Variants in PCDHA5 observed in about 807,000 individuals in gnomAD.
The protein encoded by PCDHA5 is protocadherin alpha 5.
PCDHA5 carries 43 observed loss-of-function variants against 61.6 expected under a neutral mutation model. The observed-to-expected ratio is 0.70, with a 90% CI of 0.55 to 0.90. The LOEUF (loss-of-function observed/expected upper bound fraction) is 0.90, where lower values mean the gene tolerates loss of function less well. Among genes scored for constraint, PCDHA5 ranks in the 40% least tolerant of loss-of-function variants. The probability of loss-of-function intolerance (pLI) is 0.00; values close to 1 mark genes in which losing one functional copy is unlikely to be tolerated. For synonymous variants in PCDHA5, 627 were observed against 543.9 expected, an observed-to-expected ratio of 1.15 and a Z score of -2.13; for missense variants, 1,298 against 1,222.7, an observed-to-expected ratio of 1.06 and a Z score of -0.92.
At chr5:140,871,062 C>T (rs1434880600) in intron 1 of PCDHA5, 2 of 1,613,102 alleles carry the variant, frequency 1.2e-6, no homozygotes, top group African/African-American at 2.7e-5. Context: ...TGAAGGATCA[C>T]GGTGAGCCGG....
At position 141,010,718 on chromosome 5, in the gene PCDHA5, T is replaced by C. The variant is rs2154002137; in HGVS notation, c.*781T>C. Reference sequence around the variant, plus strand: ...TTTCCTATACATGTCCTGTGCTCACTTTATTAAAAATTCTTTTGCACACAA... The same window carrying C: ...TTTCCTATACATGTCCTGTGCTCACCTTATTAAAAATTCTTTTGCACACAA... On this transcript the variant is annotated 3_prime_UTR_variant, in exon 4 of 4. Coordinates refer to ENST00000529859, the MANE Select transcript of PCDHA5 (RefSeq NM_018908.3). The C allele has an allele frequency of 6.5e-6, 1 of 154,542 alleles. No homozygotes were observed. The highest frequency in any genetic ancestry group is 1.9e-4 in the East Asian group (1 of 5,208). 9.6% of individuals were successfully genotyped at this position (154,542 alleles called of 1,614,324 possible). A position where few individuals can be genotyped will look rare whatever the true frequency, so the allele number is the denominator to read the frequency against.
chr5:140,878,537 C>G (rs1554170454), intron 1 of PCDHA5, among the ~76,000 whole-genome samples: 2 of 152,152 alleles, frequency 1.3e-5, no homozygotes, highest in African/African-American at 4.8e-5. Flanking sequence ...GTGGCTCAAA[C>G]CAGTTTCAGA....
chr5:140,927,402 C>G, intron 1 of PCDHA5: 1 of 1,614,128 alleles, frequency 6.2e-7, no homozygotes, highest in Non-Finnish European at 8.5e-7. Context: ...AGCACTTTCG[C>G]CTGGACATGG....
rs2150155445 is a variant in PCDHA5, at chr5:140,828,452, G to A, written c.2352+4325G>A. ...GCCGCTGCAGGTTTTCCATGTGGAC[G>A]TGGAGGTGAGGGACATTAACGACAA... On this transcript the variant is annotated intron_variant, in intron 1 of 3. Coordinates refer to ENST00000529859, the MANE Select transcript of PCDHA5 (RefSeq NM_018908.3). The A allele has an allele frequency of 2.5e-6, 4 of 1,614,166 alleles. No individual in the cohort carries two copies. In the South Asian group the frequency reaches 4.4e-5, roughly 18 times the overall value.
At chr5:140,861,404 G>A in intron 1 of PCDHA5, 2 of 468,962 alleles carry the variant, frequency 4.3e-6, no homozygotes, top group East Asian at 5.7e-5. Flanking sequence ...AGCTTGTGGA[G>A]CTGATACCGC....
chr5:140,829,371 CG>C (rs1770257793), intron 1 of PCDHA5: 9 of 1,614,198 alleles, frequency 5.6e-6, no homozygotes, highest in Non-Finnish European at 6.8e-6. Flanking sequence ...GTGGTAACCG[CG>C]CGGGACGGGG....
intron 1 of PCDHA5, among the ~76,000 whole-genome samples, chr5:140,893,162 G>A (rs2063851714): frequency 6.6e-6 from 1 of 152,202 alleles, no homozygotes; most frequent in Non-Finnish European, 1.5e-5. Flanking sequence ...GGATATTGAG[G>A]TTGATTCCAC....
chr5:141,000,392 T>TATAA (rs2097913276), intron 3 of PCDHA5, among the ~76,000 whole-genome samples: 1 of 62,986 alleles, frequency 1.6e-5, no homozygotes, highest in African/African-American at 7.3e-5. Context: ...TCTCTCTCTC[T>TATAA]CTCTATATAT....
intron 1 of PCDHA5, among the ~76,000 whole-genome samples, chr5:140,902,203 C>CTTT (rs148688132): frequency 4.8e-5 from 6 of 124,458 alleles, no homozygotes; most frequent in Non-Finnish European, 8.4e-5. Flanking sequence ...CTCTCTCTTT[C>CTTT]TTTTTTTTTT....
At chr5:140,848,250 C>A in intron 1 of PCDHA5, 1 of 460,454 alleles carries the variant, frequency 2.2e-6, no homozygotes, top group Non-Finnish European at 3.8e-6. Context: ...TGCAGAATAA[C>A]TGTGAAATTT....
At chr5:140,965,689 A>T (rs2095924180) in intron 1 of PCDHA5, among the ~76,000 whole-genome samples, 2 of 152,266 alleles carry the variant, frequency 1.3e-5, no homozygotes, top group African/African-American at 4.8e-5. Context: ...TTGAAGCAAG[A>T]TTAGAAAAAG....
intron 1 of PCDHA5, among the ~76,000 whole-genome samples, chr5:140,924,131 T>C (rs2081690578): frequency 6.6e-6 from 1 of 152,234 alleles, no homozygotes; most frequent in African/African-American, 2.4e-5. Flanking sequence ...CTTAGCAGCA[T>C]TAATTTAAAA....
chr5:140,997,349 G>A (rs954510019), intron 3 of PCDHA5, among the ~76,000 whole-genome samples: 3 of 152,256 alleles, frequency 2.0e-5, no homozygotes, highest in South Asian at 2.1e-4. Context: ...ATCATAGAAT[G>A]TACTTACATA....
chr5:140,829,210 C>T (rs2150163892), intron 1 of PCDHA5: 28 of 1,614,110 alleles, frequency 1.7e-5, no homozygotes, highest in African/African-American at 6.7e-5. Flanking sequence ...CCCTAATTAG[C>T]GTGAACGACC....
intron 1 of PCDHA5, chr5:140,883,991 G>C: frequency 6.2e-7 from 1 of 1,612,972 alleles, no homozygotes; most frequent in South Asian, 1.1e-5. Flanking sequence ...CAGCGCGGGA[G>C]GCACAGTGAG....
At chr5:140,829,696 G>A (rs2150172625) in intron 1 of PCDHA5, 2 of 1,613,274 alleles carry the variant, frequency 1.2e-6, no homozygotes, top group Non-Finnish European at 1.7e-6. Context: ...AGTTTCAGGT[G>A]AGCGCGCGCG....
chr5:140,980,749 G>A (rs1388943582), intron 2 of PCDHA5, among the ~76,000 whole-genome samples: 1 of 151,942 alleles, frequency 6.6e-6, no homozygotes, highest in Non-Finnish European at 1.5e-5. Flanking sequence ...TTTGAGTAGG[G>A]TAAGAAATAA....
intron 3 of PCDHA5, among the ~76,000 whole-genome samples, chr5:141,002,792 A>G (rs576285489): frequency 6.6e-6 from 1 of 152,306 alleles, no homozygotes; most frequent in South Asian, 2.1e-4. Context: ...CATTTTATGG[A>G]TGAGGAAACT....
chr5:140,838,075 ATAGTGTGTGTGTGTGTGTGTGT>A lies in PCDHA5; in HGVS notation c.2352+13949_2352+13970del, dbSNP rs1451714583. 4.8e-3 allele frequency among the ~76,000 whole-genome samples: 618 copies of A among 128,240 alleles called. 16 individuals carry two copies. Among genetic ancestry groups the A allele is most frequent in the African/African-American group, 0.016 (526 of 32,658 alleles). The allele number at this position is 128,240 out of a possible 152,430, so 84.1% of individuals were successfully genotyped here. A position where few individuals can be genotyped will look rare whatever the true frequency, so the allele number is the denominator to read the frequency against. On this transcript the variant is annotated intron_variant, in intron 1 of 3. Transcript: ENST00000529859. ...GTTTTCCACTTTAAGTTATATATAT[ATAGTGTGTGTGTGTGTGTGTGT>A]GTGTGTGTGTGTGTGTGTGTGTGTG...
Sources: gnomAD v4.1 joint callset for allele counts (sites outside exome capture counted in the v4.1 genomes callset) on GRCh38, gnomAD v4.1.1 for gene constraint, MANE v1.5 for transcripts, NCBI Gene and HGNC (gene_info 2026-07-23, HGNC 2026-07-21) for gene names.